The following ZFYVE16 variants were observed in gnomAD, a reference collection of about 807,000 sequenced individuals.
ZFYVE16 encodes zinc finger FYVE-type containing 16.
Under a neutral mutation model 138.1 loss-of-function variants are expected in ZFYVE16, and 89 were observed. The observed-to-expected ratio is 0.64, with a 90% CI of 0.54 to 0.77. ZFYVE16 has a LOEUF of 0.77. Ranked by LOEUF, ZFYVE16 falls within the 30% of genes least tolerant of loss-of-function variation. ZFYVE16 has a pLI of 0.00. For missense variants in ZFYVE16, 1,793 were observed against 1,786.7 expected (o/e 1.00, Z -0.06); for synonymous variants, 596 against 618.3 (o/e 0.96, Z 0.53).
intron 15 of ZFYVE16, among the ~76,000 whole-genome samples, chr5:80,472,441 G>T (rs1047047950): frequency 1.3e-5 from 2 of 151,798 alleles, no homozygotes; most frequent in Non-Finnish European, 2.9e-5. Context: ...GTATTGCACT[G>T]CCTATTGTCC....
Position 80,431,592 on chromosome 5 carries a change from C to A in ZFYVE16, c.-39-2517C>A, listed in dbSNP as rs181831919. On this transcript the variant is annotated intron_variant, in intron 2 of 18. Transcript: ENST00000505560. ...AGTTTTGGAAGTTCTGGCCAGGGCA[C>A]TCAGGCAGGAGAAGGAAATAAAGGG... Among the ~76,000 whole-genome samples, 952 of 152,120 alleles carry A rather than the reference C, an allele frequency of 6.3e-3. 10 individuals carry two copies. The highest frequency in any genetic ancestry group is 0.021 in the African/African-American group (879 of 41,494).
rs577930584 is a variant in ZFYVE16, at chr5:80,436,422, CAGTT to C, written c.71-330_71-327del. ...ATCTAAGGACATTCGTTTATGCAGT[CAGTT>C]AGTCATTTCTTGAACACTTAAGTTT... On this transcript the variant is annotated intron_variant, in intron 3 of 18. Transcript: ENST00000505560. Among the ~76,000 whole-genome samples the C allele has an allele frequency of 3.4e-3, 511 of 152,236 alleles. 1 individual carries two copies. The highest frequency in any genetic ancestry group is 7.8e-3 in the African/African-American group (325 of 41,526).
At chr5:80,464,538 A>T (rs1753477908) in intron 15 of ZFYVE16, among the ~76,000 whole-genome samples, 1 of 152,208 alleles carries the variant, frequency 6.6e-6, no homozygotes. Context: ...AAGCCTAACC[A>T]TATCACTAAG....
intron 7 of ZFYVE16, among the ~76,000 whole-genome samples, chr5:80,447,057 T>A (rs1177504557): frequency 6.6e-6 from 1 of 150,974 alleles, no homozygotes; most frequent in Non-Finnish European, 1.5e-5. Context: ...AGGTCAGGAG[T>A]TCAAGACCGC....
chr5:80,456,550 G>A lies in ZFYVE16; in HGVS notation c.3780G>A (p.Arg1260=). The part of the protein sequence containing the change: ...EMGKSCIKIP[R]KKYSDVMKVL... ...GAAAAAGCTGCATAAAAATACCACG[G>A]AAAAAGTACAGTGATGTAAGTATAA... Residue 1260 remains arginine (R), a synonymous_variant, in exon 13 of 19, where the codon CGG becomes CGA. Coordinates refer to ENST00000505560, the MANE Select transcript of ZFYVE16 (RefSeq NM_001284236.3). 1 of 1,610,194 alleles carries A rather than the reference G, an allele frequency of 6.2e-7. No individual in the cohort carries two copies. The highest frequency in any genetic ancestry group is 8.5e-7 in the Non-Finnish European group (1 of 1,177,126).
In ZFYVE16 at chr5:80,448,123, T is replaced by C. The variant is rs375265372; in HGVS notation, c.2822T>C (p.Ile941Thr). ...ITRNEIIQSPISQVPSVEKLS... is the reference protein window; with the variant it reads ...ITRNEIIQSPTSQVPSVEKLS... Reference sequence around the variant, plus strand: ...AGAAATGAGATAATTCAGAGTCCTATTTCTCAGGTTCCATCAGTGGAAAAA... The same window carrying C: ...AGAAATGAGATAATTCAGAGTCCTACTTCTCAGGTTCCATCAGTGGAAAAA... The change falls in exon 8 of 19, where the codon ATT (isoleucine) becomes ACT (threonine). Residue 941 changes from isoleucine (I) to threonine (T), a missense_variant. Ile to Thr is a moderately conservative substitution (Grantham distance 89). Coordinates refer to ENST00000505560, the MANE Select transcript of ZFYVE16 (RefSeq NM_001284236.3). 1.9e-6 allele frequency: 3 copies of C among 1,613,970 alleles called. No individual in the cohort carries two copies. Among genetic ancestry groups the C allele is most frequent in the Non-Finnish European group, 2.5e-6 (3 of 1,179,944 alleles).
At position 80,437,050 on chromosome 5, in the gene ZFYVE16, G is replaced by A. The variant is rs1218341249; in HGVS notation, c.365G>A (p.Cys122Tyr). Residue 122 changes from cysteine to tyrosine, a missense_variant, in exon 4 of 19, where the codon TGT becomes TAT. Around this residue, in one of 2 missense-constraint regions of ZFYVE16, gnomAD observed 1,295 missense variants for 1,204.3 expected, o/e 1.08. Transcript: ENST00000505560. ...DEIQPLYMGR[C>Y]SKPICDLISD... ...ATCCAGCCGTTATATATGGGACGAT[G>A]TAGTAAACCTATCTGTGATCTGATA... 15 of 1,614,182 alleles carry A rather than the reference G, an allele frequency of 9.3e-6. No individual in the cohort carries two copies. Among genetic ancestry groups the A allele is most frequent in the Middle Eastern group, 3.3e-4 (2 of 6,062 alleles).
chr5:80,411,315 T>C (rs1360785668), intron 1 of ZFYVE16, among the ~76,000 whole-genome samples: 3 of 152,090 alleles, frequency 2.0e-5, no homozygotes, highest in Admixed American at 2.0e-4. Context: ...TAAAATAGTA[T>C]GAAGACATAT....
At chr5:80,464,866 C>G (rs1353993161) in intron 15 of ZFYVE16, among the ~76,000 whole-genome samples, 1 of 151,782 alleles carries the variant, frequency 6.6e-6, no homozygotes, top group Non-Finnish European at 1.5e-5. Context: ...CAGTTAATAC[C>G]AAAATGTTTA....
intron 15 of ZFYVE16, among the ~76,000 whole-genome samples, chr5:80,463,338 G>A (rs1379641979): frequency 6.6e-6 from 1 of 152,140 alleles, no homozygotes; most frequent in East Asian, 1.9e-4. Flanking sequence ...CCACCTGTAA[G>A]CCACCAAAGC....
intron 15 of ZFYVE16, among the ~76,000 whole-genome samples, chr5:80,469,341 A>G (rs1162753316): frequency 1.3e-5 from 2 of 151,854 alleles, no homozygotes; most frequent in African/African-American, 4.8e-5. Flanking sequence ...TTCTGGGCTC[A>G]AGTGATCCTC....
chr5:80,411,057 C>T (rs1050449964), intron 1 of ZFYVE16, among the ~76,000 whole-genome samples: 4 of 151,450 alleles, frequency 2.6e-5, no homozygotes, highest in African/African-American at 7.3e-5. Flanking sequence ...ACCTCCGCCT[C>T]CTGGGGTTCA....
rs1755221119 is a variant in ZFYVE16 at position 80,480,415 on chromosome 5, C to T, written c.*3038C>T. 8.3e-6 allele frequency among the ~76,000 whole-genome samples: 1 copy of T among 120,934 alleles called. No individual in the cohort carries two copies. The highest frequency in any genetic ancestry group is 1.8e-5 in the Non-Finnish European group (1 of 54,296). The allele number at this position is 120,934 out of a possible 152,430, so 79.3% of individuals were successfully genotyped here. ...TCAGGAGAAACTATTCACAGTGCAC[C>T]ATGGGAGAAACAGCTGGAAAAAAAA... On this transcript the variant is annotated 3_prime_UTR_variant, in exon 19 of 19. Transcript: ENST00000505560.
rs1750229957 is a variant in ZFYVE16, at chr5:80,438,298, CA to C, written c.1614del (p.Glu539AsnfsTer9). ...GATGCTGAACTTGATGCCTTTCTGA[CA>C]GAACAGTATCTTCAGACCACTAACA... is the stretch of plus-strand genomic sequence containing the variant. The part of the protein sequence containing the change: ...ISDAELDAFL[T>X]EQYLQTTNIK... On this transcript the variant is annotated frameshift_variant, in exon 4 of 19. Coordinates refer to ENST00000505560, the MANE Select transcript of ZFYVE16 (RefSeq NM_001284236.3). LOFTEE classifies it high-confidence loss of function. 6.2e-7 allele frequency: 1 copy of C among 1,613,846 alleles called. No individual in the cohort carries two copies. Among genetic ancestry groups the C allele is most frequent in the Non-Finnish European group, 8.5e-7 (1 of 1,179,954 alleles).
intron 1 of ZFYVE16, among the ~76,000 whole-genome samples, chr5:80,426,222 GTGTGTGTA>G (rs1391029289): frequency 8.4e-5 from 12 of 142,986 alleles, no homozygotes; most frequent in Admixed American, 1.5e-4. Context: ...GTGTGTGTGT[GTGTGTGTA>G]TGTGTGTGTG....
Position 80,481,671 on chromosome 5 carries a change from A to G in ZFYVE16, c.*4294A>G, listed in dbSNP as rs1242915473. ...TAAACAGGATAGAGAATATCATAAT[A>G]TTCCAAATATATCCCAGAAACAACC... On this transcript the variant is annotated 3_prime_UTR_variant, in exon 19 of 19. Transcript: ENST00000505560. 6.6e-6 allele frequency among the ~76,000 whole-genome samples: 1 copy of G among 152,228 alleles called. No homozygotes were observed. The highest frequency in any genetic ancestry group is 2.4e-5 in the African/African-American group (1 of 41,468).
At chr5:80,455,874 A>AT (rs1752477070) in intron 12 of ZFYVE16, 100 bp downstream of exon 12, 4 of 1,021,322 alleles carry the variant, frequency 3.9e-6, no homozygotes, top group Non-Finnish European at 5.6e-6. Context: ...TTAATTTGCC[A>AT]TATTTGGTAT....
chr5:80,453,399 G>A (rs1336791527), intron 11 of ZFYVE16, among the ~76,000 whole-genome samples: 1 of 152,270 alleles, frequency 6.6e-6, no homozygotes, highest in Non-Finnish European at 1.5e-5. Context: ...GAATAAACTA[G>A]CTAATCAAAT....
chr5:80,461,603 G>C lies in ZFYVE16; in HGVS notation c.4024+2109G>C, dbSNP rs111313110. On this transcript the variant is annotated intron_variant, in intron 15 of 18. Coordinates refer to ENST00000505560, the MANE Select transcript of ZFYVE16 (RefSeq NM_001284236.3). ...GCCAACAGGGTTGGTTTCTGGTAAG[G>C]CTTGTCTCCTTGGCTTGTGGCCTTT... Among the ~76,000 whole-genome samples, 87 of 152,284 alleles carry C rather than the reference G, an allele frequency of 5.7e-4. 1 individual carries two copies. Among genetic ancestry groups the C allele is most frequent in the African/African-American group, 2.0e-3 (84 of 41,560 alleles).
Sources: gnomAD v4.1 joint callset for allele counts (sites outside exome capture counted in the v4.1 genomes callset) on GRCh38, gnomAD v4.1.1 for gene constraint, gnomAD v4.1.1 regional missense constraint, MANE v1.5 for transcripts, NCBI Gene and HGNC (gene_info 2026-07-23, HGNC 2026-07-21) for gene names.